CEP85L: variants seen among roughly 807,000 people sequenced by gnomAD.
CEP85L encodes the protein centrosomal protein 85L, also known as centrosomal protein of 85 kDa-like.
Under a neutral mutation model 100.3 loss-of-function variants are expected in CEP85L, and 60 were observed. That is an observed-to-expected ratio of 0.60 (90% CI 0.49 to 0.74). CEP85L has a LOEUF of 0.74. Ranked by LOEUF, CEP85L falls within the 30% of genes least tolerant of loss-of-function variation. The pLI is 0.00. For missense variants in CEP85L, 973 were observed against 936.2 expected (o/e 1.04, Z -0.51); for synonymous variants, 319 against 322.7 (o/e 0.99, Z 0.12).
intron 2 of CEP85L, among the ~76,000 whole-genome samples, chr6:118,622,938 G>C (rs1025743710): frequency 1.3e-5 from 2 of 152,222 alleles, no homozygotes; most frequent in Admixed American, 1.3e-4. Flanking sequence ...ACCCCCTCCA[G>C]GAGGTTAAGC....
chr6:118,532,034 G>A (rs938980236), intron 3 of CEP85L, among the ~76,000 whole-genome samples: 19 of 151,982 alleles, frequency 1.3e-4, no homozygotes, highest in Non-Finnish European at 2.5e-4. Context: ...TCATTCTACC[G>A]GAGACACATG....
At position 118,651,362 on chromosome 6, in the gene CEP85L, G is replaced by T; in HGVS notation, c.-93C>A. 1 of 1,376,340 alleles carries T rather than the reference G, an allele frequency of 7.3e-7. No individual in the cohort carries two copies. The highest frequency in any genetic ancestry group is 9.4e-7 in the Non-Finnish European group (1 of 1,066,446). The allele number at this position is 1,376,340 out of a possible 1,614,324, so 85.3% of individuals were successfully genotyped here. On this transcript the variant is annotated 5_prime_UTR_variant, in exon 1 of 13. Coordinates refer to ENST00000368491, the MANE Select transcript of CEP85L (RefSeq NM_001042475.3). ...CGGCGGAAACTTGCGCGGAGCGTGG[G>T]CCTCGGCGACACGGGCAGGAGGAAA...
At chr6:118,645,914 A>ATATTGG (rs1775153606) in intron 1 of CEP85L, among the ~76,000 whole-genome samples, 1 of 152,194 alleles carries the variant, frequency 6.6e-6, no homozygotes, top group Non-Finnish European at 1.5e-5. Context: ...AGAAATCAAA[A>ATATTGG]TATTGGTATG....
chr6:118,588,173 A>G (rs1050342399), intron 2 of CEP85L, among the ~76,000 whole-genome samples: 2 of 152,226 alleles, frequency 1.3e-5, no homozygotes, highest in Non-Finnish European at 2.9e-5. Context: ...CTATGCCCTC[A>G]TATGGAGATT....
intron 5 of CEP85L, among the ~76,000 whole-genome samples, chr6:118,504,683 G>A (rs1358534787): frequency 6.6e-6 from 1 of 152,204 alleles, no homozygotes; most frequent in Non-Finnish European, 1.5e-5. Flanking sequence ...TGTGAACTCT[G>A]ATTTATAGCC....
At chr6:118,491,999 G>T (rs1774609696) in intron 5 of CEP85L, 134 bp from the exon 6 acceptor site, 3 of 546,806 alleles carry the variant, frequency 5.5e-6, no homozygotes, top group African/African-American at 3.9e-5. Flanking sequence ...TTAAATTCCA[G>T]CTATCTTGCT....
At chr6:118,554,408 A>C (rs954916986) in intron 3 of CEP85L, among the ~76,000 whole-genome samples, 3 of 152,160 alleles carry the variant, frequency 2.0e-5, no homozygotes, top group Admixed American at 6.5e-5. Flanking sequence ...AGGCCTTCCA[A>C]AGTGTTGGAA....
intron 2 of CEP85L, among the ~76,000 whole-genome samples, chr6:118,600,511 G>A (rs111733946): frequency 0.011 from 1,710 of 151,694 alleles, 42 homozygotes; most frequent in African/African-American, 0.039. Flanking sequence ...CAGTAGAGAC[G>A]GGGTTTCACC....
chr6:118,645,850 C>T (rs1327446689), intron 1 of CEP85L, among the ~76,000 whole-genome samples: 2 of 152,126 alleles, frequency 1.3e-5, no homozygotes, highest in Non-Finnish European at 2.9e-5. Flanking sequence ...TTTCTAATGC[C>T]AAGGTAACAA....
At chr6:118,500,275 G>C (rs1481887755) in intron 5 of CEP85L, among the ~76,000 whole-genome samples, 1 of 152,122 alleles carries the variant, frequency 6.6e-6, no homozygotes, top group Non-Finnish European at 1.5e-5. Flanking sequence ...AGCCAAAAAT[G>C]CCAAAGGGAC....
chr6:118,667,301 C>A (rs1008159687), intron 1 of CEP85L, among the ~76,000 whole-genome samples: 5 of 152,160 alleles, frequency 3.3e-5, no homozygotes, highest in African/African-American at 9.7e-5. Context: ...GAATATAGAA[C>A]TTGCTTTGAT....
intron 2 of CEP85L, among the ~76,000 whole-genome samples, chr6:118,574,242 C>CT (rs1293958680): frequency 6.6e-6 from 1 of 152,222 alleles, no homozygotes; most frequent in Non-Finnish European, 1.5e-5. Flanking sequence ...CCCCTCCTCT[C>CT]TTAGCAAATT....
At chr6:118,599,331 A>C (rs1249502408) in intron 2 of CEP85L, among the ~76,000 whole-genome samples, 1 of 152,222 alleles carries the variant, frequency 6.6e-6, no homozygotes, top group Admixed American at 6.5e-5. Flanking sequence ...GTGTCACCAG[A>C]ACAACCCTGA....
intron 5 of CEP85L, among the ~76,000 whole-genome samples, chr6:118,494,025 A>G (rs1774759240): frequency 1.3e-5 from 2 of 152,204 alleles, no homozygotes; most frequent in Non-Finnish European, 2.9e-5. Flanking sequence ...AGTCTTCTAA[A>G]GTCTGTGAGA....
chr6:118,636,165 G>A (rs533771677), intron 1 of CEP85L, among the ~76,000 whole-genome samples: 23 of 152,240 alleles, frequency 1.5e-4, no homozygotes, highest in African/African-American at 4.6e-4. Flanking sequence ...TGAAACCTGG[G>A]GGCCAGTTTG....
chr6:118,619,253 G>A (rs1251688946), intron 2 of CEP85L, among the ~76,000 whole-genome samples: 3 of 152,038 alleles, frequency 2.0e-5, no homozygotes, highest in East Asian at 3.9e-4. Flanking sequence ...AAAAAGAAGC[G>A]ACTGATTGTC....
intron 1 of CEP85L, among the ~76,000 whole-genome samples, chr6:118,673,631 G>A (rs757542748): frequency 3.3e-5 from 5 of 152,180 alleles, no homozygotes; most frequent in South Asian, 2.1e-4. Context: ...TTGGAATGCC[G>A]ATTTATTAAA....
intron 2 of CEP85L, among the ~76,000 whole-genome samples, chr6:118,620,687 TAAG>T (rs765786160): frequency 6.6e-6 from 1 of 152,042 alleles, no homozygotes; most frequent in Non-Finnish European, 1.5e-5. Context: ...GCTCAACCAT[TAAG>T]AACCAGGAAA....
chr6:118,647,518 C>A (rs1775281465), intron 1 of CEP85L, among the ~76,000 whole-genome samples: 1 of 152,114 alleles, frequency 6.6e-6, no homozygotes, highest in Non-Finnish European at 1.5e-5. Flanking sequence ...CACGCCACCA[C>A]GCCCGGCTAA....
Sources: allele counts gnomAD v4.1 joint callset (sites outside exome capture counted in the v4.1 genomes callset), GRCh38; gene constraint gnomAD v4.1.1; transcripts MANE v1.5; gene names NCBI Gene and HGNC (gene_info 2026-07-23, HGNC 2026-07-21).